The following TENM4 variants were observed in gnomAD, a reference collection of about 807,000 sequenced individuals.
TENM4 encodes the protein teneurin-4.
TENM4 carries 82 observed loss-of-function variants against 243.3 expected under a neutral mutation model. That is an observed-to-expected ratio of 0.34 (90% CI 0.28 to 0.40). The LOEUF (loss-of-function observed/expected upper bound fraction) is 0.40, where lower values mean the gene tolerates loss of function less well. Ranked by LOEUF, TENM4 falls within the 10% of genes least tolerant of loss-of-function variation. The probability of loss-of-function intolerance (pLI) is 1.00; values close to 1 mark genes in which losing one functional copy is unlikely to be tolerated. For synonymous variants in TENM4, 1,412 were observed against 1,456.3 expected (o/e 0.97, Z 0.69); for missense variants, 3,138 against 3,673.3 (o/e 0.85, Z 3.77).
At chr11:78,846,015 C>T (rs1208385121) in intron 12 of TENM4, among the ~76,000 whole-genome samples, 1 of 152,150 alleles carries the variant, frequency 6.6e-6, no homozygotes, top group Non-Finnish European at 1.5e-5. Context: ...CTCTAAGACC[C>T]TATCTGTCTT....
intron 15 of TENM4, among the ~76,000 whole-genome samples, chr11:78,797,639 T>C (rs1189900402): frequency 6.6e-6 from 1 of 152,238 alleles, no homozygotes; most frequent in African/African-American, 2.4e-5. Context: ...TTTGATTAAA[T>C]GTTAGGAACT....
chr11:78,813,689 A>G (rs1186802628), intron 13 of TENM4, among the ~76,000 whole-genome samples: 5 of 152,236 alleles, frequency 3.3e-5, no homozygotes, highest in Admixed American at 6.5e-5. Context: ...TGATGGCCAA[A>G]AGCATGGGAT....
At chr11:78,933,923 T>C (rs1310623823) in intron 6 of TENM4, among the ~76,000 whole-genome samples, 1 of 152,088 alleles carries the variant, frequency 6.6e-6, no homozygotes, top group African/African-American at 2.4e-5. Flanking sequence ...CAACTGCAGA[T>C]ACAAATTAAA....
intron 2 of TENM4, among the ~76,000 whole-genome samples, chr11:79,258,068 C>A (rs987518129): frequency 6.6e-6 from 1 of 152,076 alleles, no homozygotes; most frequent in Non-Finnish European, 1.5e-5. Flanking sequence ...TGGTGTTATC[C>A]CCCTTACATT....
chr11:79,011,594 T>C (rs1191032593), intron 6 of TENM4, among the ~76,000 whole-genome samples: 1 of 152,198 alleles, frequency 6.6e-6, no homozygotes, highest in Non-Finnish European at 1.5e-5. Flanking sequence ...CTCTTCCTCC[T>C]CTCCAGGAAC....
chr11:79,286,815 A>C (rs1205311246), intron 2 of TENM4, among the ~76,000 whole-genome samples: 1 of 152,226 alleles, frequency 6.6e-6, no homozygotes, highest in Non-Finnish European at 1.5e-5. Flanking sequence ...ATTATGGAGC[A>C]TCTATTACAT....
At chr11:78,863,232 A>G (rs1858869672) in intron 9 of TENM4, 100 bp from the exon 10 acceptor site, 1 of 1,311,728 alleles carries the variant, frequency 7.6e-7, no homozygotes, top group Admixed American at 2.8e-5. Flanking sequence ...GAACACAGGC[A>G]TTCAGTTCAG....
At position 79,369,116 on chromosome 11, in the gene TENM4, C is replaced by T. The variant is rs957132733; in HGVS notation, c.-321+71393G>A. On this transcript the variant is annotated intron_variant, in intron 1 of 33. Transcript: ENST00000278550. Reference sequence around the variant, plus strand: ...CCCCAGACAAAAAAAGAACAGACCACATCCTAGCTGAGAATGAAATCATTT... The same window carrying T: ...CCCCAGACAAAAAAAGAACAGACCATATCCTAGCTGAGAATGAAATCATTT... Among the ~76,000 whole-genome samples, 16 of 152,296 alleles carry T rather than the reference C, an allele frequency of 1.1e-4. 1 individual carries two copies. Among genetic ancestry groups the T allele is most frequent in the Admixed American group, 9.8e-4 (15 of 15,300 alleles).
At chr11:79,004,778 CA>C (rs942591654) in intron 6 of TENM4, among the ~76,000 whole-genome samples, 2 of 151,326 alleles carry the variant, frequency 1.3e-5, no homozygotes, top group Admixed American at 6.6e-5. Flanking sequence ...AATTGAGATG[CA>C]AAAAACCATA....
chr11:78,863,167 G>A, intron 9 of TENM4, 35 bp from the exon 10 acceptor site: 1 of 1,450,118 alleles, frequency 6.9e-7, no homozygotes, highest in Non-Finnish European at 9.3e-7. Context: ...ATCTTTTTCT[G>A]CTGGAGGCAG....
At chr11:79,309,247 T>G (rs911346989) in intron 1 of TENM4, among the ~76,000 whole-genome samples, 1 of 152,220 alleles carries the variant, frequency 6.6e-6, no homozygotes, top group African/African-American at 2.4e-5. Context: ...CCAAAACATA[T>G]CTATATGCTG....
At position 78,961,950 on chromosome 11, in the gene TENM4, T is replaced by C. The variant is rs1857334279; in HGVS notation, c.494-58427A>G. Among the ~76,000 whole-genome samples, 4 of 152,236 alleles carry C rather than the reference T, an allele frequency of 2.6e-5. No individual in the cohort carries two copies. The South Asian group carries it at 8.3e-4, about 32-fold the overall frequency. Reference sequence around the variant, plus strand: ...GGGGACAGAAGCAGCCCTCCAACTCTTGCACACTCCAGCGGCGCCGCGGGG... The same window carrying C: ...GGGGACAGAAGCAGCCCTCCAACTCCTGCACACTCCAGCGGCGCCGCGGGG... On this transcript the variant is annotated intron_variant, in intron 6 of 33. Transcript: ENST00000278550.
chr11:78,710,444 T>C (rs1859370771), intron 26 of TENM4, among the ~76,000 whole-genome samples: 2 of 152,230 alleles, frequency 1.3e-5, no homozygotes, highest in African/African-American at 4.8e-5. Context: ...CTGGTCAGGC[T>C]GGAGAGTGAT....
chr11:79,227,992 T>C (rs1864303591), intron 2 of TENM4, among the ~76,000 whole-genome samples: 1 of 152,156 alleles, frequency 6.6e-6, no homozygotes, highest in Non-Finnish European at 1.5e-5. Context: ...TCATTCTTTA[T>C]TGAGAGAAGA....
At chr11:79,307,902 C>G (rs2135408442) in intron 1 of TENM4, among the ~76,000 whole-genome samples, 1 of 152,344 alleles carries the variant, frequency 6.6e-6, no homozygotes, top group Non-Finnish European at 1.5e-5. Flanking sequence ...CAACTTGGAG[C>G]CAAGGCCAGT....
chr11:78,717,123 G>T (rs1414786238), intron 25 of TENM4, among the ~76,000 whole-genome samples: 1 of 152,162 alleles, frequency 6.6e-6, no homozygotes, highest in East Asian at 1.9e-4. Context: ...TTCTCTTCCA[G>T]TTCCTCAAAC....
At chr11:79,100,540 G>C (rs532501357) in intron 4 of TENM4, among the ~76,000 whole-genome samples, 4 of 152,172 alleles carry the variant, frequency 2.6e-5, no homozygotes, top group Admixed American at 6.5e-5. Context: ...GCCTGCCCTC[G>C]ATGGTAAATT....
chr11:79,338,885 G>C (rs1157594582), intron 1 of TENM4, among the ~76,000 whole-genome samples: 1 of 152,160 alleles, frequency 6.6e-6, no homozygotes, highest in Non-Finnish European at 1.5e-5. Flanking sequence ...GTCTGCTCAG[G>C]GCATCCAAAT....
At chr11:78,819,640 C>T (rs1467809390) in intron 12 of TENM4, among the ~76,000 whole-genome samples, 1 of 152,166 alleles carries the variant, frequency 6.6e-6, no homozygotes, top group Non-Finnish European at 1.5e-5. Context: ...ACAGAAGGAA[C>T]CAGCTTTGTG....
Sources: allele counts gnomAD v4.1 joint callset (sites outside exome capture counted in the v4.1 genomes callset), GRCh38; gene constraint gnomAD v4.1.1; transcripts MANE v1.5; gene names NCBI Gene and HGNC (gene_info 2026-07-23, HGNC 2026-07-21).